Variants in SLC17A5 observed in about 807,000 individuals in gnomAD.
SLC17A5 encodes the protein solute carrier family 17 member 5.
SLC17A5 carries 47 observed loss-of-function variants against 59.4 expected under a neutral mutation model. That is an observed-to-expected ratio of 0.79 (90% CI 0.63 to 1.01). The LOEUF (loss-of-function observed/expected upper bound fraction) is 1.01. SLC17A5 is among the 50% of genes least tolerant of loss of function. The probability of loss-of-function intolerance (pLI) is 0.00; values close to 1 mark genes in which losing one functional copy is unlikely to be tolerated. For missense variants in SLC17A5, 522 were observed against 595.5 expected (o/e 0.88, Z 1.28); for synonymous variants, 202 against 210.7 (o/e 0.96, Z 0.36).
chr6:73,596,508 T>C (rs1213220565), intron 10 of SLC17A5, among the ~76,000 whole-genome samples: 5 of 152,230 alleles, frequency 3.3e-5, no homozygotes, highest in Admixed American at 2.6e-4. Flanking sequence ...AACCATTTTT[T>C]GGATTTTTTC....
intron 6 of SLC17A5, 63 bp from the exon 7 acceptor site, chr6:73,622,025 A>G: frequency 6.6e-7 from 1 of 1,511,378 alleles, no homozygotes; most frequent in Non-Finnish European, 9.2e-7. Flanking sequence ...TCTGTACCGT[A>G]TCAGCTAAAA....
chr6:73,625,247 C>T (rs548407451), intron 6 of SLC17A5, among the ~76,000 whole-genome samples: 92 of 152,104 alleles, frequency 6.0e-4, no homozygotes, highest in African/African-American at 1.9e-3. Flanking sequence ...AGTGCAGTGG[C>T]GCGATCTTGG....
chr6:73,621,722 CTG>C, intron 7 of SLC17A5, 80 bp downstream of exon 7: 1 of 1,142,478 alleles, frequency 8.8e-7, no homozygotes, highest in Non-Finnish European at 1.3e-6. Context: ...TACAGAATAA[CTG>C]AATTTTATAC....
At chr6:73,618,454 C>T in intron 7 of SLC17A5, 2 of 442,638 alleles carry the variant, frequency 4.5e-6, no homozygotes, top group Non-Finnish European at 8.4e-6. Flanking sequence ...TGTGAAGTGC[C>T]CAGGACGCTA....
chr6:73,626,551 G>A (rs1270207233), intron 6 of SLC17A5, among the ~76,000 whole-genome samples: 3 of 152,072 alleles, frequency 2.0e-5, no homozygotes, highest in East Asian at 3.9e-4. Flanking sequence ...GAAACTATCC[G>A]CGTATCTAGC....
At chr6:73,636,768 C>T (rs1769025139) in intron 4 of SLC17A5, 61 bp from the exon 5 acceptor site, 1 of 1,192,168 alleles carries the variant, frequency 8.4e-7, no homozygotes, top group Admixed American at 1.7e-5. Context: ...ATAGGACAGA[C>T]AAGTCTACTG....
chr6:73,618,886 G>A (rs1454884634), intron 7 of SLC17A5, among the ~76,000 whole-genome samples: 5 of 152,150 alleles, frequency 3.3e-5, no homozygotes, highest in Non-Finnish European at 7.4e-5. Flanking sequence ...TGCCATGCCT[G>A]GCTAACTTCT....
intron 3 of SLC17A5, among the ~76,000 whole-genome samples, chr6:73,639,072 A>G (rs531763060): frequency 3.9e-5 from 6 of 152,356 alleles, no homozygotes; most frequent in African/African-American, 1.4e-4. Context: ...AAACAGTCCT[A>G]TTAAAAAAAG....
rs1766656941 is a variant in SLC17A5 at position 73,593,423 on chromosome 6, G to T, written c.*1654C>A. 1 of 152,208 alleles carries T rather than the reference G, an allele frequency of 6.6e-6. No individual in the cohort carries two copies. The highest frequency in any genetic ancestry group is 2.1e-4 in the South Asian group (1 of 4,832). 9.4% of individuals were successfully genotyped at this position (152,208 alleles called of 1,614,324 possible). ...TTTGATGATTTATAAAAGAAACATT[G>T]CCATAGCAATTTAAAGCTATTTACA... On this transcript the variant is annotated 3_prime_UTR_variant, in exon 11 of 11. Coordinates refer to ENST00000355773, the MANE Select transcript of SLC17A5 (RefSeq NM_012434.5).
intron 1 of SLC17A5, among the ~76,000 whole-genome samples, chr6:73,651,367 A>AG (rs1341715416): frequency 7.0e-6 from 1 of 143,834 alleles, no homozygotes; most frequent in Admixed American, 7.1e-5. Context: ...AGGCTGAGGC[A>AG]GGAGAATCAC....
At chr6:73,620,872 C>CCTA (rs1768109428) in intron 7 of SLC17A5, among the ~76,000 whole-genome samples, 1 of 152,014 alleles carries the variant, frequency 6.6e-6, no homozygotes, top group Non-Finnish European at 1.5e-5. Flanking sequence ...CAGGTGTAGG[C>CCTA]CACCATGCCC....
At chr6:73,633,088 C>A (rs1246799745) in intron 6 of SLC17A5, among the ~76,000 whole-genome samples, 1 of 152,114 alleles carries the variant, frequency 6.6e-6, no homozygotes, top group African/African-American at 2.4e-5. Context: ...TGGACTTAAG[C>A]AGTCCCCTTG....
intron 6 of SLC17A5, among the ~76,000 whole-genome samples, chr6:73,627,922 C>CTT (rs10672268): frequency 0.15 from 20,994 of 140,724 alleles, 2,317 homozygotes; most frequent in African/African-American, 0.3. Flanking sequence ...GTGCCTGCCA[C>CTT]TTTTTTTTTT....
At chr6:73,644,384 T>A in intron 2 of SLC17A5, 23 bp downstream of exon 2, 1 of 1,581,472 alleles carries the variant, frequency 6.3e-7, no homozygotes, top group Non-Finnish European at 8.7e-7. Context: ...ATTAAAATTG[T>A]TTCCTTAAAA....
intron 9 of SLC17A5, among the ~76,000 whole-genome samples, chr6:73,604,137 T>G (rs1767289149): frequency 6.6e-6 from 1 of 152,128 alleles, no homozygotes; most frequent in South Asian, 2.1e-4. Context: ...AGCCTCTCTT[T>G]TTTTTTTTTC....
chr6:73,631,617 A>G (rs1768718266), intron 6 of SLC17A5, among the ~76,000 whole-genome samples: 1 of 151,830 alleles, frequency 6.6e-6, no homozygotes. Context: ...TTCAACTACA[A>G]GTGTGTTCCT....
intron 6 of SLC17A5, among the ~76,000 whole-genome samples, chr6:73,633,235 C>T (rs1409470759): frequency 6.8e-6 from 1 of 146,494 alleles, no homozygotes; most frequent in East Asian, 2.0e-4. Context: ...TGGATATGAG[C>T]TCTCCACCTG....
rs189743644 is a variant in SLC17A5, at chr6:73,624,805, G to A, written c.820-2843C>T. ...GGAGAATCGCTTGAACTCAGGGAGC[G>A]GAGGTTGCAGTGAGCTAAGATCACA... On this transcript the variant is annotated intron_variant, in intron 6 of 10. Coordinates refer to ENST00000355773, the MANE Select transcript of SLC17A5 (RefSeq NM_012434.5). Among the ~76,000 whole-genome samples, 823 of 152,134 alleles carry A rather than the reference G, an allele frequency of 5.4e-3. 3 individuals carry two copies. Among genetic ancestry groups the A allele is most frequent in the Non-Finnish European group, 7.8e-3 (533 of 67,994 alleles).
At chr6:73,631,407 C>T (rs1404834637) in intron 6 of SLC17A5, among the ~76,000 whole-genome samples, 1 of 151,824 alleles carries the variant, frequency 6.6e-6, no homozygotes, top group Non-Finnish European at 1.5e-5. Context: ...CTAATCACAG[C>T]TTTACCCCAC....
Sources: gnomAD v4.1 joint callset for allele counts (sites outside exome capture counted in the v4.1 genomes callset) on GRCh38, gnomAD v4.1.1 for gene constraint, MANE v1.5 for transcripts, NCBI Gene and HGNC (gene_info 2026-07-23, HGNC 2026-07-21) for gene names.